Variants in PRKAR1B observed in about 807,000 individuals in gnomAD.
PRKAR1B encodes the protein cAMP-dependent protein kinase type I-beta regulatory subunit.
In PRKAR1B, 22 loss-of-function variants were observed where a neutral mutation model predicts 46.5. That is an observed-to-expected ratio of 0.47 (90% confidence interval 0.34 to 0.68). The LOEUF (loss-of-function observed/expected upper bound fraction) is 0.68. PRKAR1B is among the 30% of genes least tolerant of loss of function. The pLI, the probability that PRKAR1B is intolerant of heterozygous loss-of-function variation, is 0.01. For synonymous variants in PRKAR1B, 259 were observed against 217.7 expected (o/e 1.19, Z -1.67); for missense variants, 445 against 535.6 (o/e 0.83, Z 1.67).
chr7:636,760 G>T (rs1010437779), intron 4 of PRKAR1B, among the ~76,000 whole-genome samples: 2 of 152,196 alleles, frequency 1.3e-5, no homozygotes, highest in African/African-American at 2.4e-5. Flanking sequence ...TGACGGGTCG[G>T]GTCCATCTCT....
chr7:551,307 GCTC>G, intron 10 of PRKAR1B, 79 bp downstream of exon 10: 7 of 1,350,610 alleles, frequency 5.2e-6, no homozygotes, highest in African/African-American at 2.9e-5. Flanking sequence ...CCCCCCAGCA[GCTC>G]CTCACCTCCA....
At chr7:559,419 C>T (rs1778648992) in intron 9 of PRKAR1B, among the ~76,000 whole-genome samples, 1 of 152,178 alleles carries the variant, frequency 6.6e-6, no homozygotes, top group Non-Finnish European at 1.5e-5. Flanking sequence ...TCAGGGCAGT[C>T]AGAAGGGATC....
At chr7:638,447 T>C (rs1784233777) in intron 4 of PRKAR1B, among the ~76,000 whole-genome samples, 1 of 152,136 alleles carries the variant, frequency 6.6e-6, no homozygotes, top group Admixed American at 6.5e-5. Context: ...GCAACTCCTC[T>C]GTGCACTCAG....
intron 8 of PRKAR1B, among the ~76,000 whole-genome samples, chr7:583,457 T>C (rs10274481): frequency 3.6e-5 from 4 of 112,166 alleles, no homozygotes; most frequent in African/African-American, 1.5e-4. Context: ...TCACACCCAC[T>C]CACACACGTG....
At position 695,241 on chromosome 7, in the gene PRKAR1B, G is replaced by T. The variant is rs114470454; in HGVS notation, c.178-14515C>A. The stretch of plus-strand genomic sequence containing the variant: ...AGACGTGGGATCAGAGGTGGCCGGC[G>T]AGAAAGGCAGGATGATCTCTGCCAA... On this transcript the variant is annotated intron_variant, in intron 2 of 10. Transcript: ENST00000537384. Among the ~76,000 whole-genome samples the T allele has an allele frequency of 3.4e-3, 519 of 152,278 alleles. 2 individuals are homozygous for T. Among genetic ancestry groups the T allele is most frequent in the African/African-American group, 0.012 (491 of 41,540 alleles).
chr7:561,656 C>G lies in PRKAR1B; in HGVS notation c.892-10186G>C, dbSNP rs1462475061. 2.8e-4 allele frequency among the ~76,000 whole-genome samples: 43 copies of G among 152,180 alleles called. 1 individual carries two copies. Among genetic ancestry groups the G allele is most frequent in the Admixed American group, 2.8e-3 (43 of 15,292 alleles). On this transcript the variant is annotated intron_variant, in intron 9 of 10. Transcript: ENST00000537384. ...GACGGAACTGATGTACGTCACACACCCTGGGCTGCAAACTGTCCTCGGGAC... is the reference window on the plus strand; with the variant it reads ...GACGGAACTGATGTACGTCACACACGCTGGGCTGCAAACTGTCCTCGGGAC...
chr7:661,964 C>A (rs1463647946), intron 4 of PRKAR1B, among the ~76,000 whole-genome samples: 8 of 100,462 alleles, frequency 8.0e-5, no homozygotes, highest in South Asian at 4.6e-4. Flanking sequence ...GCACAGGTCC[C>A]CACCCCAACG....
chr7:714,867 C>A lies in PRKAR1B; in HGVS notation c.-22-3340G>T, dbSNP rs1051101163. On this transcript the variant is annotated intron_variant, in intron 1 of 10. Transcript: ENST00000537384. This position sits in a 1 kb window ranked among gnomAD's most constrained non-coding sequence, Gnocchi z 4.3. ...ACCAAACCTGAGGCCCTTCCCGTATCTGGACTTCCCAATTATGTTCATCAA... is the reference window on the plus strand; with the variant it reads ...ACCAAACCTGAGGCCCTTCCCGTATATGGACTTCCCAATTATGTTCATCAA... 6.6e-6 allele frequency among the ~76,000 whole-genome samples: 1 copy of A among 152,186 alleles called. No homozygotes were observed. The highest frequency in any genetic ancestry group is 2.4e-5 in the African/African-American group (1 of 41,440).
chr7:693,560 G>A (rs964010706), intron 2 of PRKAR1B, among the ~76,000 whole-genome samples: 5 of 152,176 alleles, frequency 3.3e-5, no homozygotes, highest in African/African-American at 7.2e-5. Flanking sequence ...AGGTTCGTCC[G>A]CGCTGTGCTG....
Position 649,543 on chromosome 7 carries a change from T to C in PRKAR1B, c.440+27686A>G, listed in dbSNP as rs537008228. 7.9e-5 allele frequency among the ~76,000 whole-genome samples: 12 copies of C among 152,306 alleles called. No individual in the cohort carries two copies. In the South Asian group the frequency reaches 2.5e-3, roughly 32 times the overall value. On this transcript the variant is annotated intron_variant, in intron 4 of 10. Transcript: ENST00000537384. Reference sequence around the variant, plus strand: ...CATTTAGTGTGTTTTATATTTACACTGATTTATATGTAGCGCCTTATTTAT... The same window carrying C: ...CATTTAGTGTGTTTTATATTTACACCGATTTATATGTAGCGCCTTATTTAT...
At chr7:590,944 C>T (rs987844771) in intron 7 of PRKAR1B, among the ~76,000 whole-genome samples, 4 of 152,064 alleles carry the variant, frequency 2.6e-5, no homozygotes, top group African/African-American at 2.4e-5. Context: ...GCCGGATGCC[C>T]GGGGCAGTGG....
At chr7:564,436 G>A (rs1023913959) in intron 9 of PRKAR1B, among the ~76,000 whole-genome samples, 1 of 152,206 alleles carries the variant, frequency 6.6e-6, no homozygotes, top group South Asian at 2.1e-4. Flanking sequence ...TCCGTGGCTC[G>A]AAGCTTTGCA....
intron 9 of PRKAR1B, among the ~76,000 whole-genome samples, chr7:576,759 T>A (rs1779857981): frequency 6.6e-6 from 1 of 151,484 alleles, no homozygotes; most frequent in Admixed American, 6.6e-5. Flanking sequence ...TCTTTCCTTA[T>A]GGTAGAGCCG....
chr7:588,013 C>G (rs144096748), intron 7 of PRKAR1B, among the ~76,000 whole-genome samples: 3,541 of 152,298 alleles, frequency 0.023, 120 homozygotes, highest in African/African-American at 0.074. Context: ...TATTCTGGGC[C>G]CTGGTGGCCA....
intron 2 of PRKAR1B, among the ~76,000 whole-genome samples, chr7:688,393 G>C (rs1779219032): frequency 6.7e-6 from 1 of 148,604 alleles, no homozygotes; most frequent in Non-Finnish European, 1.5e-5. Context: ...AACAGAGTGA[G>C]ACTCCATCTC....
intron 2 of PRKAR1B, among the ~76,000 whole-genome samples, chr7:682,240 A>T (rs1778726383): frequency 6.6e-6 from 1 of 152,076 alleles, no homozygotes. Context: ...GCTTGACCTC[A>T]CCGGGACTCA....
chr7:583,603 C>A (rs1345496989), intron 8 of PRKAR1B, among the ~76,000 whole-genome samples: 1 of 78,066 alleles, frequency 1.3e-5, no homozygotes, highest in African/African-American at 5.3e-5. Flanking sequence ...GGTGCACACA[C>A]ACCCCCTCAC....
rs1437775571 is a variant in PRKAR1B, at chr7:560,059, T to G, written c.892-8589A>C. Among the ~76,000 whole-genome samples the G allele has an allele frequency of 6.6e-6, 1 of 152,160 alleles. No individual in the cohort carries two copies. The highest frequency in any genetic ancestry group is 1.5e-5 in the Non-Finnish European group (1 of 68,032). On this transcript the variant is annotated intron_variant, in intron 9 of 10. Coordinates refer to ENST00000537384, the MANE Select transcript of PRKAR1B (RefSeq NM_001164760.2). This position sits in a 1 kb window ranked among gnomAD's most constrained non-coding sequence, Gnocchi z 4.2. ...CTCTAATAATGACAAGGTTTGGCGG[T>G]GTCCCCACCCAAATCTCATCTTGAG...
chr7:571,920 G>C (rs1325318681), intron 9 of PRKAR1B, among the ~76,000 whole-genome samples: 1 of 152,254 alleles, frequency 6.6e-6, no homozygotes, highest in Non-Finnish European at 1.5e-5. Flanking sequence ...CTCTCCGCTA[G>C]GCCCTGGACG....
Sources: gnomAD v4.1 joint callset for allele counts (sites outside exome capture counted in the v4.1 genomes callset) on GRCh38, gnomAD v4.1.1 for gene constraint, Gnocchi (gnomAD v3.1) non-coding constraint, MANE v1.5 for transcripts, NCBI Gene and HGNC (gene_info 2026-07-23, HGNC 2026-07-21) for gene names.